LRRC58: variants seen among roughly 807,000 people sequenced by gnomAD.
LRRC58 encodes the protein leucine-rich repeat-containing protein 58.
A neutral mutation model predicts 30.6 loss-of-function variants in LRRC58; 18 were observed. The observed-to-expected ratio is 0.59, with a 90% CI of 0.41 to 0.87. LRRC58 has a LOEUF of 0.87. LRRC58 is among the 40% of genes least tolerant of loss of function. The pLI is 0.00. For synonymous variants in LRRC58, 221 were observed against 206.0 expected, an observed-to-expected ratio of 1.07 and a Z score of -0.62; for missense variants, 420 against 468.4, an observed-to-expected ratio of 0.90 and a Z score of 0.95.
chr3:120,345,794 T>C (rs1349525694), intron 1 of LRRC58, among the ~76,000 whole-genome samples: 1 of 152,034 alleles, frequency 6.6e-6, no homozygotes, highest in Admixed American at 6.5e-5. Context: ...AAGTGAAAAA[T>C]GAAAACAGTG....
chr3:120,345,763 G>GT lies in LRRC58; in HGVS notation c.500+2980dup, dbSNP rs759685531. The stretch of plus-strand genomic sequence containing the variant: ...CCTAAACCTTTACCGATTCTTAGCA[G>GT]TAACGAGAAATAAGGCACGCAAGTG... On this transcript the variant is annotated intron_variant, in intron 1 of 3. Coordinates refer to ENST00000295628, the MANE Select transcript of LRRC58 (RefSeq NM_001099678.2). Among the ~76,000 whole-genome samples the GT allele has an allele frequency of 3.9e-4, 60 of 152,162 alleles. 1 individual carries two copies. The highest frequency in any genetic ancestry group is 8.0e-4 in the African/African-American group (33 of 41,424).
chr3:120,334,743 C>T lies in LRRC58; in HGVS notation c.907+119G>A, dbSNP rs1576181828. On this transcript the variant is annotated intron_variant, in intron 3 of 3. Coordinates refer to ENST00000295628, the MANE Select transcript of LRRC58 (RefSeq NM_001099678.2). ...AAAACCCAGAGTGAAATGTCTTTCT[C>T]ATAAATGAGTGAAAAAATAAAGGGA... 7.3e-6 allele frequency: 7 copies of T among 964,150 alleles called. No individual in the cohort carries two copies. In the East Asian group the frequency reaches 1.9e-4, roughly 26 times the overall value. 59.7% of individuals were successfully genotyped at this position (964,150 alleles called of 1,614,324 possible). A position where few individuals can be genotyped will look rare whatever the true frequency, so the allele number is the denominator to read the frequency against.
At chr3:120,333,091 CAAA>C (rs60534761) in intron 3 of LRRC58, among the ~76,000 whole-genome samples, 3 of 84,380 alleles carry the variant, frequency 3.6e-5, no homozygotes, top group Non-Finnish European at 5.1e-5. Flanking sequence ...GACTCCGTCT[CAAA>C]AAAAAAAAAA....
intron 1 of LRRC58, among the ~76,000 whole-genome samples, chr3:120,342,875 A>C (rs1010457676): frequency 2.0e-5 from 3 of 152,162 alleles, no homozygotes; most frequent in Non-Finnish European, 4.4e-5. Context: ...AAATTCCAGG[A>C]CCCTGATCTT....
At chr3:120,339,716 T>G (rs985606216) in intron 1 of LRRC58, among the ~76,000 whole-genome samples, 3 of 152,202 alleles carry the variant, frequency 2.0e-5, no homozygotes, top group Admixed American at 2.0e-4. Flanking sequence ...TCATCTTTAA[T>G]GTTCTAAAGT....
intron 1 of LRRC58, among the ~76,000 whole-genome samples, chr3:120,344,481 ATCTG>A (rs1935942868): frequency 2.6e-5 from 4 of 152,232 alleles, no homozygotes; most frequent in Admixed American, 2.6e-4. Context: ...TGGTTGAGTC[ATCTG>A]TCTCCTTTCT....
chr3:120,349,109 C>G lies in LRRC58; in HGVS notation c.135G>C (p.Ala45=). The change falls in exon 1 of 4, where the codon GCG becomes GCC. Residue 45 remains alanine, a synonymous_variant. Transcript: ENST00000295628. ...TGTGAGGCAGCAGCAGCCGCAGCAG[C>G]GCCTCCCGCGCCCCGCGCCGCTCCT... ...RGEERRGARE[A]LLRLLLPHNR... The G allele has an allele frequency of 6.6e-7, 1 of 1,510,456 alleles. No individual in the cohort carries two copies. 93.6% of individuals were successfully genotyped at this position (1,510,456 alleles called of 1,614,324 possible).
intron 3 of LRRC58, among the ~76,000 whole-genome samples, chr3:120,334,400 C>T (rs779659215): frequency 1.4e-4 from 21 of 151,772 alleles, no homozygotes; most frequent in South Asian, 2.1e-4. Context: ...CCCAGCTACT[C>T]GGGAGGCTGA....
intron 3 of LRRC58, among the ~76,000 whole-genome samples, chr3:120,332,729 G>T (rs1252860582): frequency 2.0e-5 from 3 of 151,800 alleles, no homozygotes; most frequent in Non-Finnish European, 4.4e-5. Flanking sequence ...TCATTTCATA[G>T]ATTATCTCAA....
In LRRC58 at chr3:120,349,177, C is replaced by G. The variant is rs1936021360; in HGVS notation, c.67G>C (p.Val23Leu). ...TCAGACTCCAGCGTCTCGGTGGACA[C>G]GCTGAGGCGGGACCAGTTCAGTTCG... ...EAELNWSRLS[V>L]STETLESELE... The change falls in exon 1 of 4, where the codon GTG (valine) becomes CTG (leucine). Residue 23 changes from valine to leucine, a missense_variant. Coordinates refer to ENST00000295628, the MANE Select transcript of LRRC58 (RefSeq NM_001099678.2). The G allele has an allele frequency of 6.7e-7, 1 of 1,493,992 alleles. No homozygotes were observed. Among genetic ancestry groups the G allele is most frequent in the African/African-American group, 1.5e-5 (1 of 68,570 alleles). 92.5% of individuals were successfully genotyped at this position (1,493,992 alleles called of 1,614,324 possible).
rs573347280 is a variant in LRRC58, at chr3:120,328,470, C to T, written c.*2730G>A. The T allele has an allele frequency of 7.0e-4, 106 of 152,282 alleles. No homozygotes were observed. The highest frequency in any genetic ancestry group is 2.5e-3 in the African/African-American group (105 of 41,568). The allele number at this position is 152,282 out of a possible 1,614,324, so 9.4% of individuals were successfully genotyped here. A position where few individuals can be genotyped will look rare whatever the true frequency, so the allele number is the denominator to read the frequency against. On this transcript the variant is annotated 3_prime_UTR_variant, in exon 4 of 4. Coordinates refer to ENST00000295628, the MANE Select transcript of LRRC58 (RefSeq NM_001099678.2). The stretch of plus-strand genomic sequence containing the variant: ...TATCCATAGTTTTGGTCACTAAAAT[C>T]GTCCAAGTAGAGCAATATCAAAAAC...
At position 120,327,819 on chromosome 3, in the gene LRRC58, T is replaced by G. The variant is rs765952384; in HGVS notation, c.*3381A>C. Reference sequence around the variant, plus strand: ...GGAGTGCAGCGGAGTGATCTCAGATTACTGCAACCTCTGTCTCCCAAGTTC... The same window carrying G: ...GGAGTGCAGCGGAGTGATCTCAGATGACTGCAACCTCTGTCTCCCAAGTTC... On this transcript the variant is annotated 3_prime_UTR_variant, in exon 4 of 4. Transcript: ENST00000295628. 1 of 152,182 alleles carries G rather than the reference T, an allele frequency of 6.6e-6. No homozygotes were observed. The highest frequency in any genetic ancestry group is 2.4e-5 in the African/African-American group (1 of 41,440). 9.4% of individuals were successfully genotyped at this position (152,182 alleles called of 1,614,324 possible).
At chr3:120,338,811 A>C (rs1467691468) in intron 1 of LRRC58, among the ~76,000 whole-genome samples, 1 of 152,208 alleles carries the variant, frequency 6.6e-6, no homozygotes, top group Non-Finnish European at 1.5e-5. Context: ...AACAGTTCTG[A>C]ACAAAGGTTA....
intron 1 of LRRC58, among the ~76,000 whole-genome samples, chr3:120,336,414 A>C (rs1212016920): frequency 6.6e-6 from 1 of 152,204 alleles, no homozygotes; most frequent in Non-Finnish European, 1.5e-5. Flanking sequence ...GGCACAATGA[A>C]TATACCTGTT....
chr3:120,325,299 CG>C lies in LRRC58; in HGVS notation c.*5900del, dbSNP rs34220764. On this transcript the variant is annotated 3_prime_UTR_variant, in exon 4 of 4. Transcript: ENST00000295628. ...GCAACAGCAATGTCAATCTTATCCC[CG>C]TATCTTCCAACAGCTGGAACTTACA... 0.12 allele frequency: 17,977 copies of C among 152,158 alleles called. 1,145 individuals are homozygous for C. Among genetic ancestry groups the C allele is most frequent in the African/African-American group, 0.16 (6,488 of 41,500 alleles). 9.4% of individuals were successfully genotyped at this position (152,158 alleles called of 1,614,324 possible). A position where few individuals can be genotyped will look rare whatever the true frequency, so the allele number is the denominator to read the frequency against.
At chr3:120,334,784 G>A in intron 3 of LRRC58, 78 bp downstream of exon 3, 1 of 1,288,158 alleles carries the variant, frequency 7.8e-7, no homozygotes, top group Non-Finnish European at 1.1e-6. Flanking sequence ...AACAGAGACT[G>A]CTTTTGTCTG....
At chr3:120,339,926 C>T (rs538794639) in intron 1 of LRRC58, among the ~76,000 whole-genome samples, 9 of 152,090 alleles carry the variant, frequency 5.9e-5, no homozygotes, top group South Asian at 2.1e-4. Context: ...TGCAGTGGCA[C>T]GATCTCGGCT....
In LRRC58 at chr3:120,325,157, A is replaced by G. The variant is rs1935655768; in HGVS notation, c.*6043T>C. 1 of 152,230 alleles carries G rather than the reference A, an allele frequency of 6.6e-6. No individual in the cohort carries two copies. The highest frequency in any genetic ancestry group is 6.5e-5 in the Admixed American group (1 of 15,284). 9.4% of individuals were successfully genotyped at this position (152,230 alleles called of 1,614,324 possible). On this transcript the variant is annotated 3_prime_UTR_variant, in exon 4 of 4. Transcript: ENST00000295628. ...CATGATTGTTGTAAAGTGACTGTTT[A>G]GGTTAATATTCTTTCTCAATATCAC...
At chr3:120,342,398 A>G (rs1331238631) in intron 1 of LRRC58, among the ~76,000 whole-genome samples, 1 of 152,210 alleles carries the variant, frequency 6.6e-6, no homozygotes, top group Non-Finnish European at 1.5e-5. Context: ...GACAGAGAGA[A>G]GATGGGATGG....
Sources: gnomAD v4.1 joint callset for allele counts (sites outside exome capture counted in the v4.1 genomes callset) on GRCh38, gnomAD v4.1.1 for gene constraint, MANE v1.5 for transcripts, NCBI Gene and HGNC (gene_info 2026-07-23, HGNC 2026-07-21) for gene names.